Variants in CNTLN observed in about 807,000 individuals in gnomAD.
CNTLN encodes centlein, centrosomal protein.
A neutral mutation model predicts 180.0 loss-of-function variants in CNTLN; 212 were observed. The ratio of observed to expected loss-of-function variants is 1.18; its 90% CI spans 1.05 to 1.32. CNTLN has a LOEUF of 1.32. Among genes scored for constraint, CNTLN ranks in the 40% most tolerant of loss-of-function variants. The probability of loss-of-function intolerance (pLI) is 0.00; values close to 1 mark genes in which losing one functional copy is unlikely to be tolerated. For synonymous variants in CNTLN, 722 were observed against 563.1 expected (o/e 1.28, Z -3.99); for missense variants, 2,095 against 1,610.9 (o/e 1.30, Z -5.14).
chr9:17,310,335 G>A (rs764862700), intron 8 of CNTLN, among the ~76,000 whole-genome samples: 7 of 152,056 alleles, frequency 4.6e-5, no homozygotes, highest in Non-Finnish European at 1.0e-4. Context: ...ATAATGTGTT[G>A]TTTATGGGGT....
intron 2 of CNTLN, among the ~76,000 whole-genome samples, chr9:17,183,296 A>G (rs1821235294): frequency 6.6e-6 from 1 of 152,152 alleles, no homozygotes; most frequent in Non-Finnish European, 1.5e-5. Flanking sequence ...CCACTCTGTC[A>G]TTTGGAATAT....
intron 2 of CNTLN, among the ~76,000 whole-genome samples, chr9:17,198,937 C>G (rs889794504): frequency 6.6e-6 from 1 of 152,014 alleles, no homozygotes; most frequent in Admixed American, 6.5e-5. Flanking sequence ...CATTGATGTG[C>G]ATTTAGGTTG....
chr9:17,518,587 G>T, the CNTLN span, among the ~76,000 whole-genome samples: 3 of 152,176 alleles, frequency 2.0e-5, no homozygotes, highest in African/African-American at 7.2e-5. Flanking sequence ...GAAAAGAAAT[G>T]TAGGTACAGC....
chr9:17,337,432 G>A (rs1197670127), intron 10 of CNTLN, among the ~76,000 whole-genome samples: 2 of 151,964 alleles, frequency 1.3e-5, no homozygotes, highest in Admixed American at 1.3e-4. Flanking sequence ...TATTTTTTCT[G>A]TAATTAATAC....
intron 2 of CNTLN, among the ~76,000 whole-genome samples, chr9:17,161,582 C>T (rs1819681286): frequency 1.3e-5 from 2 of 152,182 alleles, no homozygotes; most frequent in Non-Finnish European, 1.5e-5. Context: ...TGCCAAACTC[C>T]AGTATCTTTG....
chr9:17,253,918 A>G (rs939436731), intron 5 of CNTLN, among the ~76,000 whole-genome samples: 4 of 151,546 alleles, frequency 2.6e-5, no homozygotes, highest in Non-Finnish European at 4.4e-5. Flanking sequence ...TATGTTTGAT[A>G]TATATGGTCT....
chr9:17,162,366 G>A (rs187575919), intron 2 of CNTLN, among the ~76,000 whole-genome samples: 20 of 152,164 alleles, frequency 1.3e-4, no homozygotes, highest in African/African-American at 4.6e-4. Flanking sequence ...TGCCCGCCTC[G>A]GCCTCCCAAA....
chr9:17,351,418 C>G (rs1348686593), intron 12 of CNTLN, among the ~76,000 whole-genome samples: 1 of 152,204 alleles, frequency 6.6e-6, no homozygotes, highest in Non-Finnish European at 1.5e-5. Flanking sequence ...TTTTGGAGGT[C>G]TCACTGAGAT....
rs755874374 is a variant in CNTLN, at chr9:17,330,771, G to A, written c.1481G>A (p.Arg494Gln). The change falls in exon 9 of 26, where the codon CGA becomes CAA. Residue 494 changes from arginine (R) to glutamine (Q), a missense_variant. Transcript: ENST00000380647. Reference sequence around the variant, plus strand: ...ATATCTGCCAACAAGGGTTTCTCCCGAAAGAGCATCATGACAAGTGCTGAA... The same window carrying A: ...ATATCTGCCAACAAGGGTTTCTCCCAAAAGAGCATCATGACAAGTGCTGAA... The part of the protein sequence containing the change: ...ENISANKGFS[R>Q]KSIMTSAEGK... 41 of 1,609,362 alleles carry A rather than the reference G, an allele frequency of 2.5e-5. No individual in the cohort carries two copies. Among genetic ancestry groups the A allele is most frequent in the South Asian group, 5.5e-5 (5 of 90,406 alleles).
At chr9:17,359,517 T>C (rs1823123457) in intron 12 of CNTLN, among the ~76,000 whole-genome samples, 1 of 151,356 alleles carries the variant, frequency 6.6e-6, no homozygotes, top group South Asian at 2.1e-4. Context: ...AGAATTCCTG[T>C]GACTAAATAA....
At chr9:17,479,128 G>C (rs184068104) in intron 23 of CNTLN, among the ~76,000 whole-genome samples, 2 of 152,190 alleles carry the variant, frequency 1.3e-5, no homozygotes, top group Non-Finnish European at 2.9e-5. Flanking sequence ...ATGGAAAACA[G>C]TGTGGAGATT....
rs1323554660 is a variant in CNTLN at position 17,471,979 on chromosome 9, T to G, written c.3855+5088T>G. 2.6e-5 allele frequency among the ~76,000 whole-genome samples: 4 copies of G among 152,120 alleles called. No homozygotes were observed. In the East Asian group the frequency reaches 7.7e-4, roughly 29 times the overall value. On this transcript the variant is annotated intron_variant, in intron 23 of 25. Transcript: ENST00000380647. ...ATATATGGGTGGAAGGTAAAACATTTCAGTGAACCTAGCACAGTGAAGGCT... is the reference window on the plus strand; with the variant it reads ...ATATATGGGTGGAAGGTAAAACATTGCAGTGAACCTAGCACAGTGAAGGCT...
At chr9:17,524,209 G>T in the CNTLN span, among the ~76,000 whole-genome samples, 1 of 152,100 alleles carries the variant, frequency 6.6e-6, no homozygotes, top group Non-Finnish European at 1.5e-5. Context: ...TGTTTGTTTT[G>T]TTATTTAGTT....
At chr9:17,415,567 AT>A (rs1399733140) in intron 16 of CNTLN, among the ~76,000 whole-genome samples, 3 of 151,978 alleles carry the variant, frequency 2.0e-5, no homozygotes, top group African/African-American at 7.3e-5. Flanking sequence ...TTTAAAAAAT[AT>A]TTTTTTCAAT....
chr9:17,440,588 C>CAAAAAA (rs35350865), intron 18 of CNTLN, among the ~76,000 whole-genome samples: 1 of 114,664 alleles, frequency 8.7e-6, no homozygotes, highest in African/African-American at 3.6e-5. Context: ...GACTCCGTCT[C>CAAAAAA]AAAAAAAAAA....
At chr9:17,184,061 A>T (rs2131747368) in intron 2 of CNTLN, among the ~76,000 whole-genome samples, 1 of 152,264 alleles carries the variant, frequency 6.6e-6, no homozygotes, top group South Asian at 2.1e-4. Context: ...ATGATAGCAT[A>T]TGAGAAGCAA....
intron 2 of CNTLN, among the ~76,000 whole-genome samples, chr9:17,196,265 C>T (rs1391465639): frequency 6.6e-6 from 1 of 152,150 alleles, no homozygotes; most frequent in East Asian, 1.9e-4. Context: ...CTCAGGTGAT[C>T]CACCTGCCTC....
At chr9:17,479,339 A>G (rs1832516462) in intron 23 of CNTLN, among the ~76,000 whole-genome samples, 1 of 152,242 alleles carries the variant, frequency 6.6e-6, no homozygotes, top group African/African-American at 2.4e-5. Flanking sequence ...TTGTATAAAC[A>G]ACAATTGATT....
chr9:17,345,380 G>GC (rs1821797020), intron 12 of CNTLN, among the ~76,000 whole-genome samples: 2 of 134,924 alleles, frequency 1.5e-5, no homozygotes, highest in Admixed American at 1.5e-4. Flanking sequence ...ATTTTAGCTT[G>GC]CATTATTGAT....
Sources: gnomAD v4.1 joint callset for allele counts (sites outside exome capture counted in the v4.1 genomes callset) on GRCh38, gnomAD v4.1.1 for gene constraint, MANE v1.5 for transcripts, NCBI Gene and HGNC (gene_info 2026-07-23, HGNC 2026-07-21) for gene names.